Variants in CACNB2 observed in about 807,000 individuals in gnomAD.
CACNB2 encodes the protein voltage-dependent L-type calcium channel subunit beta-2.
A neutral mutation model predicts 73.3 loss-of-function variants in CACNB2; 42 were observed. The ratio of observed to expected loss-of-function variants is 0.57; its 90% CI spans 0.45 to 0.74. The LOEUF (loss-of-function observed/expected upper bound fraction) is 0.74, where lower values mean the gene tolerates loss of function less well. CACNB2 is among the 30% of genes least tolerant of loss of function. The pLI is 0.00. For synonymous variants in CACNB2, 348 were observed against 310.3 expected (o/e 1.12, Z -1.28); for missense variants, 940 against 853.0 (o/e 1.10, Z -1.27).
In CACNB2 at chr10:18,296,425, G is replaced by A. The variant is rs117493065; in HGVS notation, c.214-105499G>A. Among the ~76,000 whole-genome samples, 78 of 152,072 alleles carry A rather than the reference G, an allele frequency of 5.1e-4. No homozygotes were observed. In the East Asian group the frequency reaches 0.013, roughly 26 times the overall value. On this transcript the variant is annotated intron_variant, in intron 2 of 13. Transcript: ENST00000324631. ...ATTTACTTACGCTCACAGCCATGAA[G>A]ATTTTTCCAGACACTCATACGTTGA...
chr10:18,186,541 G>T (rs963620198), intron 2 of CACNB2, among the ~76,000 whole-genome samples: 1 of 152,122 alleles, frequency 6.6e-6, no homozygotes, highest in Non-Finnish European at 1.5e-5. Context: ...CTCAGCTTCC[G>T]GGGAGGCCTC....
At chr10:18,150,705 C>T (rs1478073549) in intron 1 of CACNB2, among the ~76,000 whole-genome samples, 178 bp from the exon 2 acceptor site, 3 of 152,094 alleles carry the variant, frequency 2.0e-5, no homozygotes, top group African/African-American at 7.2e-5. Flanking sequence ...CACATCATCA[C>T]TGATTGGAAA....
intron 2 of CACNB2, among the ~76,000 whole-genome samples, chr10:18,310,461 TG>T (rs2039914147): frequency 6.6e-6 from 1 of 150,472 alleles, no homozygotes; most frequent in Admixed American, 6.6e-5. Context: ...CAAAATTAGC[TG>T]GGCGTGGTGG....
chr10:18,141,578 GTGTT>G (rs34405123), intron 1 of CACNB2, among the ~76,000 whole-genome samples: 16,871 of 152,276 alleles, frequency 0.11, 1,122 homozygotes, highest in Middle Eastern at 0.2. Flanking sequence ...TCTCCGTTGA[GTGTT>G]TGCGGTTTCT....
At chr10:18,356,977 C>G (rs1282940023) in intron 2 of CACNB2, among the ~76,000 whole-genome samples, 4 of 94,028 alleles carry the variant, frequency 4.3e-5, no homozygotes, top group Non-Finnish European at 8.8e-5. Flanking sequence ...CGGAGTTTCG[C>G]TCTGTCGCCC....
intron 2 of CACNB2, among the ~76,000 whole-genome samples, chr10:18,169,185 G>A (rs1184888393): frequency 7.2e-6 from 1 of 138,962 alleles, no homozygotes; most frequent in Non-Finnish European, 1.5e-5. Context: ...TATATTTTTG[G>A]CATATATATT....
At chr10:18,218,411 A>G (rs1220026810) in intron 2 of CACNB2, among the ~76,000 whole-genome samples, 1 of 152,240 alleles carries the variant, frequency 6.6e-6, no homozygotes, top group Non-Finnish European at 1.5e-5. Context: ...CACAATCTAG[A>G]TCCCAAGAGA....
intron 2 of CACNB2, among the ~76,000 whole-genome samples, chr10:18,311,968 C>G (rs572326233): frequency 6.6e-6 from 1 of 152,148 alleles, no homozygotes; most frequent in Non-Finnish European, 1.5e-5. Flanking sequence ...CAATGATAGT[C>G]CCCTTCTATA....
chr10:18,176,218 A>G (rs2033581232), intron 2 of CACNB2, among the ~76,000 whole-genome samples: 1 of 152,188 alleles, frequency 6.6e-6, no homozygotes, highest in Non-Finnish European at 1.5e-5. Flanking sequence ...GAAAATTACC[A>G]GTTATTGCGG....
At chr10:18,538,760 G>T (rs1006368130) in intron 13 of CACNB2, among the ~76,000 whole-genome samples, 2 of 152,094 alleles carry the variant, frequency 1.3e-5, no homozygotes, top group Non-Finnish European at 1.5e-5. Context: ...GATCTTATAG[G>T]GCTGTTGTAT....
At chr10:18,514,154 G>A in intron 6 of CACNB2, 82 bp from the exon 7 acceptor site, 5 of 1,486,032 alleles carry the variant, frequency 3.4e-6, no homozygotes, top group Non-Finnish European at 4.7e-6. Flanking sequence ...ACTATGGTTA[G>A]TTTTATTTGC....
chr10:18,220,291 A>G (rs7911082), intron 2 of CACNB2, among the ~76,000 whole-genome samples: 19,427 of 112,676 alleles, frequency 0.17, 3,709 homozygotes, highest in African/African-American at 0.45. Context: ...AGAGAATCTT[A>G]TTCTGTCACC....
intron 2 of CACNB2, among the ~76,000 whole-genome samples, chr10:18,199,471 A>G (rs2034778280): frequency 6.6e-6 from 1 of 152,154 alleles, no homozygotes; most frequent in Non-Finnish European, 1.5e-5. Context: ...CATGGGGCAG[A>G]TGGAACCCCA....
At chr10:18,228,445 A>AAAAAAAAAAAAAAAAAAAAAAAG (rs1359204235) in intron 2 of CACNB2, among the ~76,000 whole-genome samples, 1 of 148,160 alleles carries the variant, frequency 6.7e-6, no homozygotes, top group African/African-American at 2.5e-5. Context: ...AAAAAAAAAA[A>AAAAAAAAAAAAAAAAAAAAAAAG]AAAAGAAAAA....
intron 3 of CACNB2, among the ~76,000 whole-genome samples, chr10:18,472,118 G>A (rs575867055): frequency 4.0e-4 from 61 of 151,704 alleles, no homozygotes; most frequent in Middle Eastern, 3.4e-3. Flanking sequence ...TTCTCTTCCC[G>A]GCTTTGCTTT....
chr10:18,295,520 C>T (rs76878305), intron 2 of CACNB2, among the ~76,000 whole-genome samples: 3,544 of 152,266 alleles, frequency 0.023, 152 homozygotes, highest in African/African-American at 0.08. Flanking sequence ...CCCAGTGTTC[C>T]ATATCTATGG....
intron 10 of CACNB2, among the ~76,000 whole-genome samples, chr10:18,530,857 G>A (rs1482200096): frequency 6.6e-6 from 1 of 152,146 alleles, no homozygotes; most frequent in East Asian, 1.9e-4. Context: ...GGTTCAATAT[G>A]TTACCCACTG....
At chr10:18,499,170 G>C (rs2050020284) in intron 4 of CACNB2, among the ~76,000 whole-genome samples, 1 of 152,162 alleles carries the variant, frequency 6.6e-6, no homozygotes, top group Admixed American at 6.6e-5. Context: ...AATATTCTCA[G>C]TGTGTGATCC....
At chr10:18,255,407 G>A (rs907952657) in intron 2 of CACNB2, among the ~76,000 whole-genome samples, 1 of 152,144 alleles carries the variant, frequency 6.6e-6, no homozygotes, top group Non-Finnish European at 1.5e-5. Context: ...TCTCGAAGAT[G>A]TCAACCCCCT....
Sources: allele counts gnomAD v4.1 joint callset (sites outside exome capture counted in the v4.1 genomes callset), GRCh38; gene constraint gnomAD v4.1.1; transcripts MANE v1.5; gene names NCBI Gene and HGNC (gene_info 2026-07-23, HGNC 2026-07-21).